SV2C: variants seen among roughly 807,000 people sequenced by gnomAD.
SV2C encodes solute carrier family 22 member B3.
SV2C carries 49 observed loss-of-function variants against 79.7 expected under a neutral mutation model. The observed-to-expected ratio is 0.61, with a 90% CI of 0.49 to 0.78. The LOEUF is 0.78. SV2C is among the 30% of genes least tolerant of loss of function. The pLI is 0.00. For synonymous variants in SV2C, 334 were observed against 333.2 expected (o/e 1.00, Z -0.03); for missense variants, 833 against 912.9 (o/e 0.91, Z 1.13).
chr5:75,878,773 G>A, the SV2C span, among the ~76,000 whole-genome samples: 18,983 of 152,042 alleles, frequency 0.12, 1,404 homozygotes, highest in African/African-American at 0.22. Flanking sequence ...GCTGAGTTCC[G>A]ATCCTCACTT....
chr5:76,276,605 G>A (rs576299579), intron 4 of SV2C, among the ~76,000 whole-genome samples: 203 of 123,750 alleles, frequency 1.6e-3, no homozygotes, highest in Non-Finnish European at 3.1e-3. Flanking sequence ...TGGAATTACA[G>A]GCATGAGCTA....
intron 4 of SV2C, among the ~76,000 whole-genome samples, chr5:76,223,331 A>G (rs79502197): frequency 0.2 from 30,502 of 150,138 alleles, 5,386 homozygotes; most frequent in African/African-American, 0.48. Context: ...GGGAAGCTGA[A>G]GCTGGAGGAT....
At position 76,132,251 on chromosome 5, in the gene SV2C, A is replaced by G. The variant is rs1346653833; in HGVS notation, c.501A>G (p.Val167=). 1.2e-6 allele frequency: 2 copies of G among 1,613,936 alleles called. No homozygotes were observed. Among genetic ancestry groups the G allele is most frequent in the Non-Finnish European group, 8.5e-7 (1 of 1,179,992 alleles). The change falls in exon 2 of 13, where the codon GTA becomes GTG. Residue 167 remains valine, a synonymous_variant. Transcript: ENST00000502798. ...GCATGGCTCTTATGGCAGACGGTGTAGAGGTGTTTGTCGTTGGCTTCGTGT... is the reference window on the plus strand; with the variant it reads ...GCATGGCTCTTATGGCAGACGGTGTGGAGGTGTTTGTCGTTGGCTTCGTGT... ...VLGMALMADG[V]EVFVVGFVLP...
chr5:76,078,274 C>A, the SV2C span, among the ~76,000 whole-genome samples: 2 of 152,094 alleles, frequency 1.3e-5, no homozygotes, highest in Admixed American at 6.5e-5. Flanking sequence ...CTTAGGAGGG[C>A]AAGCCATACT....
intron 8 of SV2C, among the ~76,000 whole-genome samples, 163 bp from the exon 9 acceptor site, chr5:76,295,614 TG>T (rs1747725895): frequency 6.6e-6 from 1 of 152,132 alleles, no homozygotes; most frequent in Admixed American, 6.5e-5. Flanking sequence ...AGATTAATGC[TG>T]GGGGAGAGGG....
chr5:75,935,240 C>T, the SV2C span, among the ~76,000 whole-genome samples: 1 of 151,996 alleles, frequency 6.6e-6, no homozygotes, highest in African/African-American at 2.4e-5. Context: ...AAACATTTTT[C>T]TCCCATTAGG....
chr5:76,205,131 C>A (rs527712165), intron 3 of SV2C, among the ~76,000 whole-genome samples: 13 of 151,088 alleles, frequency 8.6e-5, no homozygotes, highest in African/African-American at 2.9e-4. Context: ...CATGTGCAGA[C>A]CTATTGAGGT....
At chr5:76,027,484 T>G in the SV2C span, among the ~76,000 whole-genome samples, 63 of 123,984 alleles carry the variant, frequency 5.1e-4, no homozygotes, top group Admixed American at 4.5e-3. Flanking sequence ...AGGAATTTCT[T>G]GAAACATTTA....
At chr5:76,219,323 C>T (rs757512265) in intron 4 of SV2C, among the ~76,000 whole-genome samples, 2 of 152,170 alleles carry the variant, frequency 1.3e-5, no homozygotes, top group Non-Finnish European at 2.9e-5. Flanking sequence ...TATATTTTAT[C>T]TCAACGAAAG....
chr5:75,936,751 A>G, the SV2C span, among the ~76,000 whole-genome samples: 1 of 152,358 alleles, frequency 6.6e-6, no homozygotes, highest in South Asian at 2.1e-4. Context: ...TAAGGACTAA[A>G]GTTGACTTAC....
Position 76,330,308 on chromosome 5 carries a change from T to C in SV2C, c.*4761T>C, listed in dbSNP as rs1024225216. 1 of 152,206 alleles carries C rather than the reference T, an allele frequency of 6.6e-6. No individual in the cohort carries two copies. Among genetic ancestry groups the C allele is most frequent in the African/African-American group, 2.4e-5 (1 of 41,452 alleles). 9.4% of individuals were successfully genotyped at this position (152,206 alleles called of 1,614,324 possible). A position where few individuals can be genotyped will look rare whatever the true frequency, so the allele number is the denominator to read the frequency against. Reference sequence around the variant, plus strand: ...TTTTGAGTTACAAGAATACAGTTTATGGGTCTGTTTCAGCTCTTACTTAAG... The same window carrying C: ...TTTTGAGTTACAAGAATACAGTTTACGGGTCTGTTTCAGCTCTTACTTAAG... On this transcript the variant is annotated 3_prime_UTR_variant, in exon 13 of 13. Transcript: ENST00000502798.
intron 9 of SV2C, 53 bp downstream of exon 9, chr5:76,295,995 C>T (rs1440743568): frequency 3.6e-5 from 54 of 1,490,894 alleles, no homozygotes; most frequent in Non-Finnish European, 4.5e-5. Flanking sequence ...AAACTTATTT[C>T]TTCTTAGCTT....
the SV2C span, among the ~76,000 whole-genome samples, chr5:76,022,549 G>C: frequency 1.3e-5 from 2 of 152,124 alleles, no homozygotes; most frequent in Admixed American, 6.5e-5. Context: ...GAAGTAATCA[G>C]CCATAGCAGG....
the SV2C span, among the ~76,000 whole-genome samples, chr5:76,055,486 T>C: frequency 6.6e-6 from 1 of 152,216 alleles, no homozygotes; most frequent in Non-Finnish European, 1.5e-5. Context: ...TACAAGCTCT[T>C]TTTTGGTTCC....
At chr5:76,045,081 A>G in the SV2C span, among the ~76,000 whole-genome samples, 1 of 152,052 alleles carries the variant, frequency 6.6e-6, no homozygotes, top group Non-Finnish European at 1.5e-5. Flanking sequence ...CCTTGAGTTA[A>G]TTTTTGTATA....
chr5:75,911,620 GAA>G, the SV2C span: 2 of 702,614 alleles, frequency 2.8e-6, no homozygotes, highest in Non-Finnish European at 5.3e-6. Flanking sequence ...TGAGGTCAAA[GAA>G]AATGAAAACA....
the SV2C span, among the ~76,000 whole-genome samples, chr5:75,896,240 AGT>A: frequency 8.0e-6 from 1 of 125,616 alleles, no homozygotes; most frequent in African/African-American, 3.0e-5. Flanking sequence ...CAGTCCCCAG[AGT>A]GTGATGTTCC....
chr5:76,343,002 G>A (rs1300399353), intron 12 of SV2C, among the ~76,000 whole-genome samples: 1 of 151,782 alleles, frequency 6.6e-6, no homozygotes, highest in African/African-American at 2.4e-5. Context: ...GAGATTATAG[G>A]CGTGAGGCAC....
At chr5:76,266,200 C>A (rs1002954332) in intron 4 of SV2C, among the ~76,000 whole-genome samples, 1 of 151,916 alleles carries the variant, frequency 6.6e-6, no homozygotes, top group Non-Finnish European at 1.5e-5. Context: ...TGTAGTTTAT[C>A]CTTTTTTATT....
Sources: gnomAD v4.1 joint callset for allele counts (sites outside exome capture counted in the v4.1 genomes callset) on GRCh38, gnomAD v4.1.1 for gene constraint, MANE v1.5 for transcripts, NCBI Gene and HGNC (gene_info 2026-07-23, HGNC 2026-07-21) for gene names.